The following NOTCH2 variants were observed in gnomAD, a reference collection of about 807,000 sequenced individuals.
NOTCH2 encodes neurogenic locus notch homolog protein 2.
Under a neutral mutation model 235.8 loss-of-function variants are expected in NOTCH2, and 29 were observed. The ratio of observed to expected loss-of-function variants is 0.12; its 90% CI spans 0.09 to 0.17. NOTCH2 has a LOEUF of 0.17. NOTCH2 is among the 10% of genes least tolerant of loss of function. The probability of loss-of-function intolerance (pLI) is 1.00; values close to 1 mark genes in which losing one functional copy is unlikely to be tolerated. For missense variants in NOTCH2, 2,285 were observed against 3,150.2 expected, an observed-to-expected ratio of 0.73 and a Z score of 6.57; for synonymous variants, 1,086 against 1,141.5, an observed-to-expected ratio of 0.95 and a Z score of 0.98.
At chr1:119,986,927 C>G in intron 5 of NOTCH2, 33 bp downstream of exon 5, 2 of 1,613,102 alleles carry the variant, frequency 1.2e-6, no homozygotes, top group South Asian at 2.2e-5. Flanking sequence ...CAATCCATAT[C>G]CCATTCTGGT....
At chr1:120,042,179 G>A (rs1654602486) in intron 1 of NOTCH2, among the ~76,000 whole-genome samples, 2 of 102,820 alleles carry the variant, frequency 1.9e-5, no homozygotes, top group Non-Finnish European at 1.9e-5. Context: ...CATGGTAAGT[G>A]CTTGAAAAAT....
intron 1 of NOTCH2, chr1:120,068,755 C>A (rs1553217529): frequency 1.2e-5 from 4 of 346,184 alleles, no homozygotes; most frequent in South Asian, 6.4e-5. Context: ...ACACACGGCT[C>A]CCCCGGACTT....
rs145027507 is a variant in NOTCH2 at position 119,955,167 on chromosome 1, T to C, written c.2092A>G (p.Ile698Val). 3.7e-6 allele frequency: 6 copies of C among 1,613,956 alleles called. No individual in the cohort carries two copies. The African/African-American group carries it at 5.3e-5, about 14-fold the overall frequency. The change falls in exon 13 of 34, where the codon ATC becomes GTC. Residue 698 changes from isoleucine (I) to valine (V), a missense_variant. Around this residue, in one of 6 missense-constraint regions of NOTCH2, gnomAD observed 1,173 missense variants for 1,515.3 expected, o/e 0.77. Transcript: ENST00000256646. ...SNPCRKGATC[I>V]NGVNGFRCIC... Reference sequence around the variant, plus strand: ...CAGCGGAAACCATTCACACCGTTGATACATGTTGCACCCTTGCGACAGGGA... The same window carrying C: ...CAGCGGAAACCATTCACACCGTTGACACATGTTGCACCCTTGCGACAGGGA...
intron 22 of NOTCH2, among the ~76,000 whole-genome samples, chr1:119,930,132 C>A (rs1377207838): frequency 6.6e-5 from 10 of 152,154 alleles, no homozygotes; most frequent in African/African-American, 2.4e-4. Context: ...TGCCTAAGGG[C>A]ATATTTCTCA....
rs1207768210 is a variant in NOTCH2, at chr1:119,929,264, T to C, written c.3656-52A>G. ...TTATGAAAATCCTTTTAACCTGCTT[T>C]CCAGCAAGGGATAACCACCCTTGTT... On this transcript the variant is annotated intron_variant, in intron 22 of 33. Coordinates refer to ENST00000256646, the MANE Select transcript of NOTCH2 (RefSeq NM_024408.4). 4 of 1,478,912 alleles carry C rather than the reference T, an allele frequency of 2.7e-6. No individual in the cohort carries two copies. In the African/African-American group the frequency reaches 5.5e-5, roughly 20 times the overall value. The allele number at this position is 1,478,912 out of a possible 1,614,324, so 91.6% of individuals were successfully genotyped here.
chr1:119,997,338 G>C lies in NOTCH2; in HGVS notation c.416-6C>G, dbSNP rs1652507732. ...CGTCCATTGGCACTCCTTACCTAAA[G>C]GAAGGATAACAAAACTCAGTACTGG... On this transcript the variant is annotated splice_polypyrimidine_tract_variant and splice_region_variant and intron_variant, in intron 3 of 33. Coordinates refer to ENST00000256646, the MANE Select transcript of NOTCH2 (RefSeq NM_024408.4). 6.2e-7 allele frequency: 1 copy of C among 1,613,160 alleles called. No individual in the cohort carries two copies. The highest frequency in any genetic ancestry group is 8.5e-7 in the Non-Finnish European group (1 of 1,179,548).
At chr1:120,057,025 T>G (rs1325369608) in intron 1 of NOTCH2, among the ~76,000 whole-genome samples, 1 of 116,702 alleles carries the variant, frequency 8.6e-6, no homozygotes, top group Admixed American at 7.2e-5. Flanking sequence ...CCTTAAATAA[T>G]TATTAGATCA....
chr1:119,967,097 G>T (rs1651169100), intron 8 of NOTCH2, among the ~76,000 whole-genome samples: 1 of 152,154 alleles, frequency 6.6e-6, no homozygotes, highest in Non-Finnish European at 1.5e-5. Flanking sequence ...AAATGGAATG[G>T]TATGGTATTT....
chr1:120,060,485 A>T (rs72989949), intron 1 of NOTCH2, among the ~76,000 whole-genome samples: 22,487 of 148,746 alleles, frequency 0.15, 891 homozygotes, highest in African/African-American at 0.29. Flanking sequence ...ATAAATCAAC[A>T]GCTTTTCTAA....
At chr1:119,966,699 G>C (rs1204046693) in intron 8 of NOTCH2, among the ~76,000 whole-genome samples, 1 of 152,084 alleles carries the variant, frequency 6.6e-6, no homozygotes, top group Non-Finnish European at 1.5e-5. Flanking sequence ...TGTGAAAAGC[G>C]GGAAGGGATT....
At chr1:119,959,615 T>C in intron 11 of NOTCH2, 113 bp from the exon 12 acceptor site, 1 of 721,816 alleles carries the variant, frequency 1.4e-6, no homozygotes, top group South Asian at 1.5e-5. Flanking sequence ...CAGCCAACCC[T>C]GGACAGAATA....
At chr1:120,011,701 C>T (rs139277602) in intron 2 of NOTCH2, among the ~76,000 whole-genome samples, 3,784 of 152,064 alleles carry the variant, frequency 0.025, 163 homozygotes, top group African/African-American at 0.087. Context: ...ATATGAGGAA[C>T]TCGAAGCTTA....
chr1:119,918,644 C>T, intron 31 of NOTCH2, 91 bp from the exon 32 acceptor site: 2 of 1,320,174 alleles, frequency 1.5e-6, no homozygotes, highest in East Asian at 2.3e-5. Flanking sequence ...AGAGCTGAGG[C>T]TACAGTGTAG....
chr1:119,913,737 G>A lies in NOTCH2; in HGVS notation c.*1569C>T, dbSNP rs992495491. The A allele has an allele frequency of 1.3e-5, 3 of 233,080 alleles. No homozygotes were observed. The highest frequency in any genetic ancestry group is 6.6e-5 in the African/African-American group (3 of 45,314). The allele number at this position is 233,080 out of a possible 1,614,324, so 14.4% of individuals were successfully genotyped here. A position where few individuals can be genotyped will look rare whatever the true frequency, so the allele number is the denominator to read the frequency against. Reference sequence around the variant, plus strand: ...AGTTGTCCATTATCATCTAAAAGGTGACTCTAGGAAAGGAAAATGTTCTGT... The same window carrying A: ...AGTTGTCCATTATCATCTAAAAGGTAACTCTAGGAAAGGAAAATGTTCTGT... On this transcript the variant is annotated 3_prime_UTR_variant, in exon 34 of 34. Transcript: ENST00000256646.
At position 119,918,469 on chromosome 1, in the gene NOTCH2, C is replaced by T. The variant is rs202169747; in HGVS notation, c.5866G>A (p.Val1956Met). ...ATCAGTTCTGCCACCATTCCCTCCA[C>T]AGCCAGGCGGGCAGCCAGGATCAGG... ...TPLILAARLA[V>M]EGMVAELINC... Residue 1956 changes from valine to methionine, a missense_variant, in exon 32 of 34, where the codon GTG becomes ATG. Physicochemically the swap from Val to Met is conservative, Grantham distance 21. Around this residue, in one of 6 missense-constraint regions of NOTCH2, gnomAD observed 128 missense variants for 255.9 expected, o/e 0.50. Transcript: ENST00000256646. The T allele has an allele frequency of 3.1e-6, 5 of 1,614,036 alleles. No homozygotes were observed. The highest frequency in any genetic ancestry group is 4.2e-6 in the Non-Finnish European group (5 of 1,180,012).
At chr1:120,033,696 A>AC (rs1654190513) in intron 1 of NOTCH2, among the ~76,000 whole-genome samples, 1 of 150,020 alleles carries the variant, frequency 6.7e-6, no homozygotes, top group Admixed American at 6.6e-5. Context: ...CACAAGAAGA[A>AC]TTTTTTTGTA....
intron 1 of NOTCH2, among the ~76,000 whole-genome samples, chr1:120,053,669 G>A (rs1171293602): frequency 2.1e-4 from 29 of 140,966 alleles, no homozygotes; most frequent in Non-Finnish European, 3.2e-4. Context: ...ATAATCTTGC[G>A]TTGGCCATGA....
At chr1:120,058,268 C>T (rs1655189205) in intron 1 of NOTCH2, among the ~76,000 whole-genome samples, 1 of 152,072 alleles carries the variant, frequency 6.6e-6, no homozygotes, top group South Asian at 2.1e-4. Context: ...CTTTGGGAGG[C>T]TGAGGCGGGC....
chr1:120,066,773 G>GA (rs1386057156), intron 1 of NOTCH2, among the ~76,000 whole-genome samples: 1 of 149,202 alleles, frequency 6.7e-6, no homozygotes, highest in Non-Finnish European at 1.5e-5. Flanking sequence ...TAAACATTCA[G>GA]AAAAATAAGA....
Sources: allele counts gnomAD v4.1 joint callset (sites outside exome capture counted in the v4.1 genomes callset), GRCh38; gene constraint gnomAD v4.1.1; regional missense constraint gnomAD v4.1.1; transcripts MANE v1.5; gene names NCBI Gene and HGNC (gene_info 2026-07-23, HGNC 2026-07-21).